The following FSHR variants were observed in gnomAD, a reference collection of about 807,000 sequenced individuals.
FSHR encodes follicle-stimulating hormone receptor.
Under a neutral mutation model 52.1 loss-of-function variants are expected in FSHR, and 46 were observed. The observed-to-expected ratio is 0.88, with a 90% CI of 0.70 to 1.13. The LOEUF is 1.13. Among genes scored for constraint, FSHR ranks in the 50% most tolerant of loss-of-function variants. FSHR has a pLI of 0.00. For missense variants in FSHR, 964 were observed against 834.6 expected (o/e 1.16, Z -1.91); for synonymous variants, 399 against 309.6 (o/e 1.29, Z -3.03).
chr2:49,021,522 C>T (rs1386513232), intron 2 of FSHR, among the ~76,000 whole-genome samples: 1 of 151,470 alleles, frequency 6.6e-6, no homozygotes. Flanking sequence ...TAGAAAGGCT[C>T]TTGATCAAGA....
At chr2:49,075,245 G>T (rs1290802587) in intron 1 of FSHR, among the ~76,000 whole-genome samples, 1 of 152,092 alleles carries the variant, frequency 6.6e-6, no homozygotes, top group Admixed American at 6.6e-5. Flanking sequence ...TAATCACTCT[G>T]TTCTGATCAC....
chr2:49,091,572 C>T (rs1670609045), intron 1 of FSHR, among the ~76,000 whole-genome samples: 1 of 144,356 alleles, frequency 6.9e-6, no homozygotes, highest in African/African-American at 2.9e-5. Flanking sequence ...GCTGGGATTA[C>T]AGGCATGAGC....
At chr2:49,053,481 G>A (rs931074514) in intron 2 of FSHR, among the ~76,000 whole-genome samples, 3 of 152,034 alleles carry the variant, frequency 2.0e-5, no homozygotes, top group Admixed American at 6.6e-5. Context: ...ATATGGCTCC[G>A]AAGTAATTAA....
chr2:49,052,330 ATTC>A (rs1339387311), intron 2 of FSHR, among the ~76,000 whole-genome samples: 2 of 152,068 alleles, frequency 1.3e-5, no homozygotes, highest in Non-Finnish European at 2.9e-5. Context: ...TCTTTGTTTT[ATTC>A]TTCTTTAGCT....
At chr2:48,988,352 G>C (rs1675613158) in intron 6 of FSHR, among the ~76,000 whole-genome samples, 1 of 152,120 alleles carries the variant, frequency 6.6e-6, no homozygotes, top group Admixed American at 6.5e-5. Flanking sequence ...TGGATCCCAG[G>C]CATACTTAGA....
At chr2:49,071,497 C>A in intron 1 of FSHR, among the ~76,000 whole-genome samples, 1 of 151,932 alleles carries the variant, frequency 6.6e-6, no homozygotes, top group East Asian at 1.9e-4. Context: ...GAATAAACTT[C>A]TAGAAAAAGA....
chr2:48,977,975 C>T (rs925359498), intron 8 of FSHR, among the ~76,000 whole-genome samples: 2 of 152,166 alleles, frequency 1.3e-5, no homozygotes, highest in Non-Finnish European at 2.9e-5. Context: ...TTTAACGTTG[C>T]AACACATGCT....
In FSHR at chr2:49,097,585, G is replaced by A. The variant is rs1366961058; in HGVS notation, c.153-29295C>T. 2.6e-5 allele frequency among the ~76,000 whole-genome samples: 4 copies of A among 152,222 alleles called. No individual in the cohort carries two copies. The East Asian group carries it at 7.7e-4, about 29-fold the overall frequency. ...AAGATTTTCAAACCCCTGAGGGAGG[G>A]CTGTGCATTGCCTGAATGAAGAACC... On this transcript the variant is annotated intron_variant, in intron 1 of 9. Transcript: ENST00000406846.
intron 6 of FSHR, among the ~76,000 whole-genome samples, chr2:48,984,298 T>TGG (rs1675389310): frequency 6.6e-6 from 1 of 152,194 alleles, no homozygotes; most frequent in South Asian, 2.1e-4. Context: ...GGCAAAGAAG[T>TGG]GGCTATGCAC....
intron 2 of FSHR, among the ~76,000 whole-genome samples, chr2:49,049,946 T>G (rs2104299694): frequency 6.6e-6 from 1 of 152,068 alleles, no homozygotes; most frequent in African/African-American, 2.4e-5. Context: ...TGGGCAGTTC[T>G]TAGATACTGT....
chr2:49,090,605 A>T (rs548180562), intron 1 of FSHR, among the ~76,000 whole-genome samples: 5 of 152,300 alleles, frequency 3.3e-5, no homozygotes, highest in African/African-American at 1.2e-4. Context: ...TATGAATAGA[A>T]CTTTTCATTT....
chr2:49,016,643 C>G (rs1667500392), intron 4 of FSHR, among the ~76,000 whole-genome samples: 1 of 152,168 alleles, frequency 6.6e-6, no homozygotes, highest in Non-Finnish European at 1.5e-5. Context: ...TAGTCCAGAT[C>G]AGCAGAACCA....
chr2:49,130,629 A>C (rs1235235128), intron 1 of FSHR, among the ~76,000 whole-genome samples: 1 of 152,210 alleles, frequency 6.6e-6, no homozygotes, highest in African/African-American at 2.4e-5. Context: ...TGCTCCTACA[A>C]ATCTGAATGA....
intron 1 of FSHR, among the ~76,000 whole-genome samples, chr2:49,140,057 G>T (rs1672623220): frequency 6.6e-6 from 1 of 152,110 alleles, no homozygotes; most frequent in African/African-American, 2.4e-5. Context: ...ATTACTTAGG[G>T]AACTATGGAT....
intron 8 of FSHR, among the ~76,000 whole-genome samples, chr2:48,970,490 C>T (rs192340283): frequency 3.0e-4 from 46 of 152,176 alleles, no homozygotes; most frequent in Non-Finnish European, 4.6e-4. Flanking sequence ...CTGACATCTC[C>T]GTTGACTTCT....
chr2:49,089,921 G>A (rs1310720549), intron 1 of FSHR, among the ~76,000 whole-genome samples: 2 of 152,124 alleles, frequency 1.3e-5, no homozygotes, highest in African/African-American at 4.8e-5. Flanking sequence ...GTACATTCTA[G>A]CTAGCAGGGA....
chr2:49,009,110 T>C (rs1346124642), intron 4 of FSHR, among the ~76,000 whole-genome samples: 2 of 151,882 alleles, frequency 1.3e-5, no homozygotes, highest in African/African-American at 4.8e-5. Context: ...CCCATGCCTA[T>C]GTCCTGAATG....
At position 49,009,016 on chromosome 2, in the gene FSHR, A is replaced by G. The variant is rs550333777; in HGVS notation, c.374+8473T>C. On this transcript the variant is annotated intron_variant, in intron 4 of 9. Transcript: ENST00000406846. ...GATGGTAGTTTCTTTTGCTGTGCAG[A>G]AGCTCCTTACTTTAATTAGATCCCA... Among the ~76,000 whole-genome samples the G allele has an allele frequency of 4.7e-3, 702 of 150,068 alleles. 7 individuals are homozygous for G. Among genetic ancestry groups the G allele is most frequent in the African/African-American group, 0.016 (671 of 41,164 alleles).
chr2:48,963,951 T>G lies in FSHR; in HGVS notation c.870A>C (p.Pro290=). 6.2e-7 allele frequency: 1 copy of G among 1,613,392 alleles called. No individual in the cohort carries two copies. ...GCCTTAAAATAGATTTGTTGCAAATTGGATGAAGCTCAGAGCTAGAAAAAT... is the reference window on the plus strand; with the variant it reads ...GCCTTAAAATAGATTTGTTGCAAATGGGATGAAGCTCAGAGCTAGAAAAAT... ...NWRRQISELH[P]ICNKSILRQE... is the part of the protein sequence containing the mutation. The change falls in exon 10 of 10, where the codon CCA becomes CCC. Residue 290 remains proline (P), a synonymous_variant. Coordinates refer to ENST00000406846, the MANE Select transcript of FSHR (RefSeq NM_000145.4).
Sources: gnomAD v4.1 joint callset for allele counts (sites outside exome capture counted in the v4.1 genomes callset) on GRCh38, gnomAD v4.1.1 for gene constraint, MANE v1.5 for transcripts, NCBI Gene and HGNC (gene_info 2026-07-23, HGNC 2026-07-21) for gene names.